The following PCDH15 variants were observed in gnomAD, a reference collection of about 807,000 sequenced individuals.
The protein encoded by PCDH15 is protocadherin related 15.
Under a neutral mutation model 178.5 loss-of-function variants are expected in PCDH15, and 129 were observed. The ratio of observed to expected loss-of-function variants is 0.72; its 90% CI spans 0.63 to 0.84. The LOEUF (loss-of-function observed/expected upper bound fraction) is 0.84. Ranked by LOEUF, PCDH15 falls within the 40% of genes least tolerant of loss-of-function variation. The pLI, the probability that PCDH15 is intolerant of heterozygous loss-of-function variation, is 0.00. For synonymous variants in PCDH15, 800 were observed against 732.0 expected (o/e 1.09, Z -1.50); for missense variants, 2,230 against 2,099.9 (o/e 1.06, Z -1.21).
At chr10:55,037,663 G>C (rs2131973334) in intron 2 of PCDH15, among the ~76,000 whole-genome samples, 1 of 152,116 alleles carries the variant, frequency 6.6e-6, no homozygotes. Flanking sequence ...TAGAAAGAAA[G>C]TTCTGTTTCT....
intron 1 of PCDH15, among the ~76,000 whole-genome samples, chr10:54,758,495 GTGTT>G (rs1947454189): frequency 6.6e-6 from 1 of 152,128 alleles, no homozygotes; most frequent in South Asian, 2.1e-4. Context: ...AATGTATGAT[GTGTT>G]TATCAGGCCA....
At position 55,611,827 on chromosome 10, in the gene PCDH15, A is replaced by G. The variant is rs191929015; in HGVS notation, c.-156+15798T>C. 1.3e-3 allele frequency among the ~76,000 whole-genome samples: 201 copies of G among 152,208 alleles called. 2 individuals carry two copies. The highest frequency in any genetic ancestry group is 4.7e-3 in the African/African-American group (197 of 41,578). On this transcript the variant is annotated intron_variant, in intron 2 of 5. Transcript: ENST00000613346. ...TTATAGTGTATATACACAATGGAAT[A>G]CTATTCAGCTTTTAAAAAGGAGAAA... is the stretch of plus-strand genomic sequence containing the variant.
intron 2 of PCDH15, among the ~76,000 whole-genome samples, chr10:55,100,552 T>C (rs1842552647): frequency 6.6e-6 from 1 of 152,116 alleles, no homozygotes; most frequent in Admixed American, 6.6e-5. Context: ...AGCTTCAGGC[T>C]GCTTCCACTC....
At chr10:54,789,220 A>T (rs60292763) in intron 1 of PCDH15, among the ~76,000 whole-genome samples, 5,294 of 152,012 alleles carry the variant, frequency 0.035, 259 homozygotes, top group African/African-American at 0.12. Context: ...AAAAATCCTT[A>T]AAGACATACT....
At chr10:55,419,651 T>C (rs1838571183) in intron 2 of PCDH15, among the ~76,000 whole-genome samples, 2 of 151,582 alleles carry the variant, frequency 1.3e-5, no homozygotes, top group Admixed American at 1.3e-4. Context: ...TTTGAAACTC[T>C]GGTGCCAACA....
At chr10:55,071,312 C>A (rs10825456) in intron 2 of PCDH15, among the ~76,000 whole-genome samples, 10,160 of 151,960 alleles carry the variant, frequency 0.067, 458 homozygotes, top group African/African-American at 0.11. Context: ...GCAAATTGGA[C>A]AGAGTCAAGA....
At chr10:53,818,777 T>C (rs547035451) in intron 33 of PCDH15, among the ~76,000 whole-genome samples, 37 of 152,108 alleles carry the variant, frequency 2.4e-4, no homozygotes, top group Middle Eastern at 6.8e-3. Context: ...GTCAACCATG[T>C]TATGTAGAAT....
chr10:54,254,914 A>T (rs1357168215), intron 8 of PCDH15, among the ~76,000 whole-genome samples: 4 of 151,862 alleles, frequency 2.6e-5, no homozygotes, highest in Non-Finnish European at 5.9e-5. Context: ...TTTCAACGTA[A>T]TTTTTTTTCT....
chr10:53,882,989 G>T (rs16937812), intron 26 of PCDH15, among the ~76,000 whole-genome samples: 1 of 151,942 alleles, frequency 6.6e-6, no homozygotes, highest in Non-Finnish European at 1.5e-5. Flanking sequence ...CCATTTACAG[G>T]CATCATTAAC....
chr10:54,514,103 C>T (rs1428348344), intron 3 of PCDH15, among the ~76,000 whole-genome samples: 1 of 152,180 alleles, frequency 6.6e-6, no homozygotes, highest in East Asian at 1.9e-4. Context: ...GTGCTTTACT[C>T]ATGTAATAAG....
intron 2 of PCDH15, among the ~76,000 whole-genome samples, chr10:55,328,150 GTGT>G (rs1170325414): frequency 6.6e-6 from 1 of 151,804 alleles, no homozygotes; most frequent in Non-Finnish European, 1.5e-5. Flanking sequence ...AATAATTACA[GTGT>G]TGATGCCGTA....
intron 2 of PCDH15, among the ~76,000 whole-genome samples, chr10:55,381,259 T>A (rs143057253): frequency 1.3e-5 from 2 of 152,236 alleles, no homozygotes; most frequent in East Asian, 3.9e-4. Context: ...TATCAAACAA[T>A]GAGGATGTAG....
intron 1 of PCDH15, among the ~76,000 whole-genome samples, chr10:55,187,672 C>T (rs1591975574): frequency 6.6e-6 from 1 of 152,036 alleles, no homozygotes; most frequent in East Asian, 1.9e-4. Context: ...GGCTCATGGG[C>T]TGGTTTAAGT....
At chr10:54,769,772 T>C (rs1010599050) in intron 1 of PCDH15, among the ~76,000 whole-genome samples, 16 of 152,128 alleles carry the variant, frequency 1.1e-4, no homozygotes, top group African/African-American at 3.9e-4. Context: ...TATTTCTTCC[T>C]GCATAAGCCA....
At chr10:54,178,451 T>A (rs1201520931) in intron 13 of PCDH15, among the ~76,000 whole-genome samples, 3 of 152,072 alleles carry the variant, frequency 2.0e-5, no homozygotes, top group Non-Finnish European at 4.4e-5. Context: ...ATGTTAATAA[T>A]GTTAATTGGG....
chr10:55,328,943 TATATATAA>T (rs1445465420), intron 2 of PCDH15, among the ~76,000 whole-genome samples: 1 of 114,688 alleles, frequency 8.7e-6, no homozygotes, highest in South Asian at 2.6e-4. Context: ...TATATATATA[TATATATAA>T]AATATATAAT....
intron 2 of PCDH15, among the ~76,000 whole-genome samples, chr10:54,613,014 A>G (rs2093012423): frequency 6.6e-6 from 1 of 151,798 alleles, no homozygotes; most frequent in Non-Finnish European, 1.5e-5. Context: ...TTACATTTTA[A>G]CTTCAGTAGA....
chr10:53,900,042 T>C (rs1437879773), intron 26 of PCDH15, among the ~76,000 whole-genome samples: 1 of 152,154 alleles, frequency 6.6e-6, no homozygotes, highest in Admixed American at 6.5e-5. Context: ...TAACCACCCT[T>C]CAGTGCTAGT....
chr10:54,247,120 A>T (rs1411619611), intron 8 of PCDH15, among the ~76,000 whole-genome samples: 1 of 151,976 alleles, frequency 6.6e-6, no homozygotes, highest in Non-Finnish European at 1.5e-5. Flanking sequence ...TGTCAAAGAA[A>T]AGTTTCTAAT....
Sources: allele counts gnomAD v4.1 joint callset (sites outside exome capture counted in the v4.1 genomes callset), GRCh38; gene constraint gnomAD v4.1.1; transcripts MANE v1.5; gene names NCBI Gene and HGNC (gene_info 2026-07-23, HGNC 2026-07-21).